ERC1: variants seen among roughly 807,000 people sequenced by gnomAD.
ERC1 encodes ELKS/RAB6-interacting/CAST family member 1, also known as RAB6 interacting protein 2.
ERC1 carries 56 observed loss-of-function variants against 132.0 expected under a neutral mutation model. That is an observed-to-expected ratio of 0.42 (90% CI 0.34 to 0.53). The LOEUF is 0.53. ERC1 is among the 20% of genes least tolerant of loss of function. The pLI, the probability that ERC1 is intolerant of heterozygous loss-of-function variation, is 0.03. For synonymous variants in ERC1, 478 were observed against 476.1 expected, an observed-to-expected ratio of 1.00 and a Z score of -0.05; for missense variants, 1,202 against 1,349.9, an observed-to-expected ratio of 0.89 and a Z score of 1.72.
chr12:1,441,914 A>G (rs1045896380), intron 17 of ERC1, among the ~76,000 whole-genome samples: 5 of 152,146 alleles, frequency 3.3e-5, no homozygotes, highest in African/African-American at 4.8e-5. Flanking sequence ...ATTTTCCACA[A>G]TGAGTATACT....
At chr12:1,335,818 A>C (rs887555818) in intron 15 of ERC1, among the ~76,000 whole-genome samples, 2 of 151,966 alleles carry the variant, frequency 1.3e-5, no homozygotes, top group African/African-American at 4.8e-5. Flanking sequence ...CCTTCTTTGT[A>C]CATCTGGTAG....
chr12:1,344,322 T>A (rs2084222384), intron 15 of ERC1, among the ~76,000 whole-genome samples: 1 of 152,132 alleles, frequency 6.6e-6, no homozygotes, highest in Admixed American at 6.5e-5. Context: ...GAGCTGTACT[T>A]TGAGTATGCA....
intron 17 of ERC1, among the ~76,000 whole-genome samples, chr12:1,436,087 A>G (rs1486257605): frequency 1.3e-5 from 2 of 152,196 alleles, no homozygotes; most frequent in East Asian, 3.9e-4. Flanking sequence ...CTAGAGTTCA[A>G]ATAATAAGGT....
intron 2 of ERC1, among the ~76,000 whole-genome samples, chr12:1,079,143 G>GGC: frequency 7.3e-6 from 1 of 136,662 alleles, no homozygotes; most frequent in Non-Finnish European, 1.7e-5. Flanking sequence ...TTTGTAATAT[G>GGC]ACAAGTCGAT....
intron 2 of ERC1, among the ~76,000 whole-genome samples, chr12:1,051,149 A>T (rs1049944539): frequency 2.6e-5 from 4 of 152,172 alleles, no homozygotes. Flanking sequence ...AGATTGCATG[A>T]TTTTCAGCTA....
chr12:1,261,185 G>A (rs953235651), intron 13 of ERC1, among the ~76,000 whole-genome samples: 4 of 152,102 alleles, frequency 2.6e-5, no homozygotes, highest in Admixed American at 2.6e-4. Flanking sequence ...ATAGATTCCT[G>A]GGAAGTTATT....
intron 6 of ERC1, among the ~76,000 whole-genome samples, chr12:1,115,244 TAA>T (rs1946322964): frequency 1.3e-5 from 2 of 152,102 alleles, no homozygotes; most frequent in African/African-American, 4.8e-5. Flanking sequence ...CTTTCAATGT[TAA>T]GAGAGAAATT....
At chr12:1,440,014 T>G (rs949681165) in intron 17 of ERC1, among the ~76,000 whole-genome samples, 1 of 152,212 alleles carries the variant, frequency 6.6e-6, no homozygotes, top group Non-Finnish European at 1.5e-5. Context: ...TTGGGCAGTT[T>G]CATATGCTTT....
rs559973227 is a variant in ERC1 at position 1,348,573 on chromosome 12, G to A, written c.2781-23260G>A. On this transcript the variant is annotated intron_variant, in intron 15 of 18. Transcript: ENST00000360905. ...CTGGGCGTGGTGGCAGGCGCCCATA[G>A]TCCCAATTACTCGGGAGGCTGAGGC... 3.1e-3 allele frequency among the ~76,000 whole-genome samples: 464 copies of A among 152,062 alleles called. 2 individuals carry two copies. Among genetic ancestry groups the A allele is most frequent in the Non-Finnish European group, 4.7e-3 (319 of 68,010 alleles).
intron 13 of ERC1, among the ~76,000 whole-genome samples, chr12:1,256,041 T>A (rs1316611087): frequency 2.6e-5 from 4 of 152,148 alleles, no homozygotes; most frequent in Non-Finnish European, 5.9e-5. Flanking sequence ...CATAAATGTC[T>A]CCTTTTGAGA....
intron 7 of ERC1, among the ~76,000 whole-genome samples, chr12:1,139,592 C>T (rs1047058103): frequency 2.0e-5 from 3 of 151,964 alleles, no homozygotes; most frequent in African/African-American, 2.4e-5. Context: ...TTATATTCTT[C>T]GACGACAAGG....
At chr12:1,110,429 G>A (rs963763979) in intron 5 of ERC1, 82 bp downstream of exon 5, 2 of 1,179,088 alleles carry the variant, frequency 1.7e-6, no homozygotes, top group Non-Finnish European at 2.4e-6. Context: ...TGATGATAAA[G>A]CCGTATTTTA....
chr12:1,210,160 T>C (rs75481904), intron 12 of ERC1, among the ~76,000 whole-genome samples: 2,020 of 152,340 alleles, frequency 0.013, 57 homozygotes, highest in African/African-American at 0.045. Flanking sequence ...TTGAGTTGGC[T>C]TCTTGGGTAT....
intron 13 of ERC1, chr12:1,244,492 T>A (rs1252734679): frequency 9.3e-6 from 4 of 430,304 alleles, no homozygotes; most frequent in Middle Eastern, 7.2e-4. Flanking sequence ...TGTTTTGTAC[T>A]TAATGGTTTG....
At position 1,494,162 on chromosome 12, in the gene ERC1, A is replaced by G. The variant is rs2094342357; in HGVS notation, c.*3932A>G. ...CCCAGCGGACCCTGTGTCAGCAAAT[A>G]CCAGTAATTTAACATCTGCTCCTGG... On this transcript the variant is annotated 3_prime_UTR_variant, in exon 19 of 19. Transcript: ENST00000360905. 4.3e-6 allele frequency: 1 copy of G among 232,166 alleles called. No individual in the cohort carries two copies. Among genetic ancestry groups the G allele is most frequent in the East Asian group, 6.1e-5 (1 of 16,396 alleles). The allele number at this position is 232,166 out of a possible 1,614,324, so 14.4% of individuals were successfully genotyped here.
chr12:1,448,726 T>G (rs574605182), intron 18 of ERC1, among the ~76,000 whole-genome samples: 45 of 152,372 alleles, frequency 3.0e-4, no homozygotes, highest in African/African-American at 1.0e-3. Context: ...GAACTTTGTC[T>G]TTTTCAATGC....
chr12:1,091,190 C>T (rs1197223858), intron 3 of ERC1, among the ~76,000 whole-genome samples: 1 of 152,100 alleles, frequency 6.6e-6, no homozygotes, highest in Non-Finnish European at 1.5e-5. Context: ...CACCCAGCCC[C>T]ATTTTTATTA....
chr12:1,270,837 A>G (rs2077791932), intron 14 of ERC1, among the ~76,000 whole-genome samples: 1 of 152,010 alleles, frequency 6.6e-6, no homozygotes, highest in South Asian at 2.1e-4. Context: ...CAAGCCATCT[A>G]GCACAAAGTA....
intron 2 of ERC1, among the ~76,000 whole-genome samples, chr12:1,072,295 TA>T (rs1160608288): frequency 6.6e-6 from 1 of 152,198 alleles, no homozygotes; most frequent in East Asian, 1.9e-4. Context: ...AATTGGCAGA[TA>T]ACCAAGGAAG....
Sources: gnomAD v4.1 joint callset for allele counts (sites outside exome capture counted in the v4.1 genomes callset) on GRCh38, gnomAD v4.1.1 for gene constraint, MANE v1.5 for transcripts, NCBI Gene and HGNC (gene_info 2026-07-23, HGNC 2026-07-21) for gene names.